The following IL19 variants were observed in gnomAD, a reference collection of about 807,000 sequenced individuals.
The protein encoded by IL19 is interleukin-19.
Under a neutral mutation model 19.5 loss-of-function variants are expected in IL19, and 15 were observed. The observed-to-expected ratio is 0.77, with a 90% CI of 0.52 to 1.19. IL19 has a LOEUF of 1.19. IL19 is among the 50% of genes most tolerant of loss of function. The pLI is 0.00. For missense variants in IL19, 199 were observed against 213.1 expected (o/e 0.93, Z 0.41); for synonymous variants, 78 against 78.3 (o/e 1.00, Z 0.02).
intron 2 of IL19, among the ~76,000 whole-genome samples, chr1:206,821,497 GGGACCTT>G (rs1424124080): frequency 6.6e-6 from 1 of 152,202 alleles, no homozygotes; most frequent in African/African-American, 2.4e-5. Flanking sequence ...TTCTTTAACA[GGGACCTT>G]GGACAACGTT....
intron 1 of IL19, among the ~76,000 whole-genome samples, chr1:206,783,883 T>C (rs1011947345): frequency 2.0e-5 from 3 of 152,204 alleles, no homozygotes; most frequent in Admixed American, 2.0e-4. Context: ...TGTCGTAGTG[T>C]TGCAAGGGCG....
At chr1:206,826,298 C>T (rs1003331826) in intron 2 of IL19, among the ~76,000 whole-genome samples, 7 of 152,184 alleles carry the variant, frequency 4.6e-5, no homozygotes, top group African/African-American at 1.4e-4. Flanking sequence ...TATTGAATGG[C>T]TTTGTCCCCA....
chr1:206,801,508 T>C (rs1675708186), intron 2 of IL19, among the ~76,000 whole-genome samples: 1 of 152,222 alleles, frequency 6.6e-6, no homozygotes, highest in African/African-American at 2.4e-5. Flanking sequence ...CAACTGCCTA[T>C]CTCAGACCTC....
chr1:206,800,734 C>T (rs1417959771), intron 2 of IL19, among the ~76,000 whole-genome samples: 4 of 152,192 alleles, frequency 2.6e-5, no homozygotes, highest in East Asian at 3.8e-4. Context: ...GAAGGTGAGA[C>T]ATTTAGTATA....
chr1:206,840,009 C>T lies in IL19; in HGVS notation c.363+7C>T, dbSNP rs771254038. 6.2e-7 allele frequency: 1 copy of T among 1,614,170 alleles called. No homozygotes were observed. Among genetic ancestry groups the T allele is most frequent in the Non-Finnish European group, 8.5e-7 (1 of 1,180,010 alleles). ...GAAAACTCTGCGGCAATGTGTGAGT[C>T]ACTGGGTCAGAATTCCAGCATCTGC... On this transcript the variant is annotated splice_region_variant and intron_variant, in intron 5 of 6. Transcript: ENST00000659997.
At chr1:206,796,578 C>T (rs953735319) in intron 1 of IL19, among the ~76,000 whole-genome samples, 1 of 152,114 alleles carries the variant, frequency 6.6e-6, no homozygotes, top group Non-Finnish European at 1.5e-5. Context: ...CTGTATTTTA[C>T]TATACCTTTT....
intron 1 of IL19, among the ~76,000 whole-genome samples, chr1:206,794,468 C>T (rs1203892120): frequency 6.6e-6 from 1 of 152,146 alleles, no homozygotes; most frequent in Non-Finnish European, 1.5e-5. Flanking sequence ...AAGCCTCTTC[C>T]CACTGTTCCA....
intron 1 of IL19, among the ~76,000 whole-genome samples, chr1:206,796,053 G>C (rs992477105): frequency 1.3e-5 from 2 of 151,926 alleles, no homozygotes; most frequent in African/African-American, 4.8e-5. Flanking sequence ...ACCCAGGAAA[G>C]CCGATGGTAT....
intron 2 of IL19, among the ~76,000 whole-genome samples, chr1:206,825,420 C>T (rs1676403110): frequency 6.6e-6 from 1 of 152,224 alleles, no homozygotes; most frequent in Admixed American, 6.5e-5. Context: ...AATAACTCTT[C>T]AATATCTATA....
chr1:206,789,686 A>G (rs549384614), intron 1 of IL19, among the ~76,000 whole-genome samples: 1 of 152,212 alleles, frequency 6.6e-6, no homozygotes, highest in African/African-American at 2.4e-5. Context: ...ACTAATGGGT[A>G]TTAAGCCTAG....
At chr1:206,837,115 C>G (rs565242466) in intron 4 of IL19, 92 bp downstream of exon 4, 2 of 1,001,086 alleles carry the variant, frequency 2.0e-6, no homozygotes, top group Non-Finnish European at 3.1e-6. Flanking sequence ...GTCCCCTTCT[C>G]TTTCCTAATC....
chr1:206,806,407 C>T (rs1042479310), intron 2 of IL19, among the ~76,000 whole-genome samples: 1 of 152,078 alleles, frequency 6.6e-6, no homozygotes, highest in Non-Finnish European at 1.5e-5. Context: ...ATCTAAAATA[C>T]TACAAAAACT....
chr1:206,815,167 A>G (rs1035692662), intron 2 of IL19, among the ~76,000 whole-genome samples: 1 of 152,180 alleles, frequency 6.6e-6, no homozygotes, highest in Non-Finnish European at 1.5e-5. Flanking sequence ...ATGTGAGTCT[A>G]TCTCCAGGAT....
chr1:206,824,594 A>G (rs1676382930), intron 2 of IL19, among the ~76,000 whole-genome samples: 1 of 152,180 alleles, frequency 6.6e-6, no homozygotes, highest in Non-Finnish European at 1.5e-5. Context: ...ACTGGGGCTA[A>G]GGGAAGATAG....
chr1:206,834,500 G>A, intron 2 of IL19: 2 of 934,824 alleles, frequency 2.1e-6, no homozygotes, highest in Non-Finnish European at 2.6e-6. Flanking sequence ...CATTGTGTAT[G>A]GCTATGATGT....
chr1:206,794,250 C>T (rs74148795), intron 1 of IL19, among the ~76,000 whole-genome samples: 280 of 152,290 alleles, frequency 1.8e-3, no homozygotes, highest in African/African-American at 6.4e-3. Flanking sequence ...GATACTGCTG[C>T]TCTTATTGGG....
chr1:206,841,408 C>A (rs1677013774), intron 6 of IL19, among the ~76,000 whole-genome samples: 1 of 152,216 alleles, frequency 6.6e-6, no homozygotes. Context: ...AGCTGTTACG[C>A]CTGAAACGTG....
At chr1:206,780,434 A>G (rs1675102654) in intron 1 of IL19, among the ~76,000 whole-genome samples, 1 of 152,226 alleles carries the variant, frequency 6.6e-6, no homozygotes, top group Non-Finnish European at 1.5e-5. Context: ...TCCATCTCTT[A>G]TAAAGTAGAA....
At chr1:206,784,626 A>T (rs2102450632) in intron 1 of IL19, among the ~76,000 whole-genome samples, 1 of 152,272 alleles carries the variant, frequency 6.6e-6, no homozygotes, top group South Asian at 2.1e-4. Flanking sequence ...TTGGTAGGGG[A>T]GGACGTGATG....
Sources: gnomAD v4.1 joint callset for allele counts (sites outside exome capture counted in the v4.1 genomes callset) on GRCh38, gnomAD v4.1.1 for gene constraint, MANE v1.5 for transcripts, NCBI Gene and HGNC (gene_info 2026-07-23, HGNC 2026-07-21) for gene names.